C1orf21: variants seen among roughly 807,000 people sequenced by gnomAD.
The protein encoded by C1orf21 is uncharacterized protein C1orf21.
A neutral mutation model predicts 18.7 loss-of-function variants in C1orf21; 3 were observed. That is an observed-to-expected ratio of 0.16 (90% CI 0.07 to 0.42). The LOEUF (loss-of-function observed/expected upper bound fraction) is 0.42. C1orf21 is among the 10% of genes least tolerant of loss of function. C1orf21 has a pLI of 0.99. For missense variants in C1orf21, 104 were observed against 143.6 expected (o/e 0.72, Z 1.41); for synonymous variants, 41 against 46.4 (o/e 0.88, Z 0.47).
In C1orf21 at chr1:184,419,272, T is replaced by C. The variant is rs181262261; in HGVS notation, c.-125+31904T>C. On this transcript the variant is annotated intron_variant, in intron 1 of 5. Transcript: ENST00000235307. ...TTGGTGAAGATAAAATGAGAAGACA[T>C]GTAAAACGATATCCTGTGCATAGTA... 5.3e-5 allele frequency among the ~76,000 whole-genome samples: 8 copies of C among 152,340 alleles called. No homozygotes were observed. The East Asian group carries it at 1.5e-3, about 29-fold the overall frequency.
At chr1:184,445,194 G>T (rs1395432574) in intron 1 of C1orf21, among the ~76,000 whole-genome samples, 1 of 152,108 alleles carries the variant, frequency 6.6e-6, no homozygotes, top group Non-Finnish European at 1.5e-5. Flanking sequence ...TGGCATGTGG[G>T]AAGCTGTCAC....
chr1:184,480,657 C>T (rs1025771486), intron 2 of C1orf21, among the ~76,000 whole-genome samples: 6 of 152,126 alleles, frequency 3.9e-5, no homozygotes, highest in South Asian at 2.1e-4. Flanking sequence ...TTCACAAGAG[C>T]GAGGTCTGGC....
chr1:184,477,839 T>G (rs1419918506), intron 2 of C1orf21, among the ~76,000 whole-genome samples: 8 of 152,222 alleles, frequency 5.3e-5, no homozygotes, highest in Non-Finnish European at 1.2e-4. Flanking sequence ...ATACAGTACA[T>G]TATTTTTAAC....
At chr1:184,598,211 G>A (rs1203742733) in intron 4 of C1orf21, among the ~76,000 whole-genome samples, 190 bp from the exon 5 acceptor site, 1 of 151,998 alleles carries the variant, frequency 6.6e-6, no homozygotes, top group East Asian at 1.9e-4. Context: ...GGCACTGATA[G>A]ACAATTATGA....
chr1:184,546,755 T>C (rs1039546117), intron 3 of C1orf21, among the ~76,000 whole-genome samples: 11 of 152,188 alleles, frequency 7.2e-5, no homozygotes, highest in African/African-American at 2.7e-4. Context: ...CCTCCAGGTA[T>C]ATGAAAACCT....
intron 1 of C1orf21, among the ~76,000 whole-genome samples, chr1:184,448,514 G>A (rs1657067820): frequency 6.6e-6 from 1 of 152,196 alleles, no homozygotes; most frequent in Admixed American, 6.5e-5. Context: ...CCCTGTAATT[G>A]TTTGCAGAGC....
chr1:184,479,264 C>T (rs1425154372), intron 2 of C1orf21, among the ~76,000 whole-genome samples: 1 of 152,040 alleles, frequency 6.6e-6, no homozygotes, highest in Non-Finnish European at 1.5e-5. Flanking sequence ...TTACTGTCAT[C>T]CTGAAACGCT....
rs560729177 is a variant in C1orf21 at position 184,490,577 on chromosome 1, C to T, written c.94+12974C>T. 4.6e-5 allele frequency among the ~76,000 whole-genome samples: 7 copies of T among 152,026 alleles called. No individual in the cohort carries two copies. The South Asian group carries it at 8.3e-4, about 18-fold the overall frequency. ...ATAACTTTAGAGAATCTCACATTAA[C>T]GGCAGGAGTCTTAAATATTTGAAAA... On this transcript the variant is annotated intron_variant, in intron 2 of 5. Transcript: ENST00000235307.
At chr1:184,452,749 A>G (rs556793241) in intron 1 of C1orf21, among the ~76,000 whole-genome samples, 1 of 152,326 alleles carries the variant, frequency 6.6e-6, no homozygotes, top group African/African-American at 2.4e-5. Flanking sequence ...TGTTCAGGTT[A>G]TACAGGGTAG....
At position 184,627,390 on chromosome 1, in the gene C1orf21, T is replaced by C. The variant is rs1012912820; in HGVS notation, c.*7834T>C. 2 of 152,112 alleles carry C rather than the reference T, an allele frequency of 1.3e-5. No homozygotes were observed. Among genetic ancestry groups the C allele is most frequent in the African/African-American group, 4.8e-5 (2 of 41,400 alleles). The allele number at this position is 152,112 out of a possible 1,614,324, so 9.4% of individuals were successfully genotyped here. On this transcript the variant is annotated 3_prime_UTR_variant, in exon 6 of 6. Transcript: ENST00000235307. The stretch of plus-strand genomic sequence containing the variant: ...CAGAATACCAGCTATAAGCCAACAC[T>C]GTTTCCAGAAACTCAAGAAAAAGCT...
chr1:184,392,222 G>C (rs1041906638), intron 1 of C1orf21, among the ~76,000 whole-genome samples: 1 of 152,150 alleles, frequency 6.6e-6, no homozygotes, highest in African/African-American at 2.4e-5. Flanking sequence ...TTTGGCTGCA[G>C]CCGTAGCAGT....
intron 1 of C1orf21, among the ~76,000 whole-genome samples, chr1:184,461,370 T>G (rs992550002): frequency 1.3e-5 from 2 of 152,212 alleles, no homozygotes; most frequent in Admixed American, 6.5e-5. Context: ...CACGCGATGT[T>G]GAGAGCCCTG....
intron 1 of C1orf21, among the ~76,000 whole-genome samples, chr1:184,438,951 C>G (rs1656903138): frequency 6.6e-6 from 1 of 152,164 alleles, no homozygotes; most frequent in East Asian, 1.9e-4. Flanking sequence ...TGGCTCACGC[C>G]TGCAATCCCA....
chr1:184,389,021 T>C (rs1485187879), intron 1 of C1orf21, among the ~76,000 whole-genome samples: 1 of 152,184 alleles, frequency 6.6e-6, no homozygotes, highest in East Asian at 1.9e-4. Context: ...TATTTTTGTT[T>C]TGCTACTTAC....
chr1:184,513,744 A>G (rs185798374), intron 3 of C1orf21, among the ~76,000 whole-genome samples: 93 of 152,364 alleles, frequency 6.1e-4, no homozygotes, highest in African/African-American at 2.1e-3. Flanking sequence ...ATGTAAGCCA[A>G]TGAAACACAA....
intron 1 of C1orf21, among the ~76,000 whole-genome samples, chr1:184,417,160 G>A (rs937801506): frequency 6.6e-6 from 1 of 152,154 alleles, no homozygotes; most frequent in East Asian, 1.9e-4. Context: ...ACACTAAGAG[G>A]GAAGGGTGAC....
chr1:184,539,518 A>G (rs1051707987), intron 3 of C1orf21, among the ~76,000 whole-genome samples: 1 of 152,206 alleles, frequency 6.6e-6, no homozygotes, highest in African/African-American at 2.4e-5. Flanking sequence ...ATAAGTTAGT[A>G]AATGTTTCCT....
At chr1:184,502,843 T>G (rs1657997542) in intron 2 of C1orf21, among the ~76,000 whole-genome samples, 1 of 152,014 alleles carries the variant, frequency 6.6e-6, no homozygotes, top group South Asian at 2.1e-4. Flanking sequence ...TTTGGGAGTC[T>G]GAGGTGGGAG....
intron 3 of C1orf21, among the ~76,000 whole-genome samples, chr1:184,509,401 C>T (rs559637597): frequency 3.1e-4 from 47 of 152,286 alleles, no homozygotes; most frequent in South Asian, 1.0e-3. Context: ...TGACAAGCCT[C>T]GCCCCTTTGC....
Sources: gnomAD v4.1 joint callset for allele counts (sites outside exome capture counted in the v4.1 genomes callset) on GRCh38, gnomAD v4.1.1 for gene constraint, MANE v1.5 for transcripts, NCBI Gene and HGNC (gene_info 2026-07-23, HGNC 2026-07-21) for gene names.